ATP6V1A: variants seen among roughly 807,000 people sequenced by gnomAD.
ATP6V1A encodes the protein ATPase H+ transporting V1 subunit A, also known as V-type proton ATPase catalytic subunit A.
A neutral mutation model predicts 70.1 loss-of-function variants in ATP6V1A; 18 were observed. The observed-to-expected ratio is 0.26, with a 90% confidence interval of 0.18 to 0.38. ATP6V1A has a LOEUF of 0.38. ATP6V1A is among the 10% of genes least tolerant of loss of function. ATP6V1A has a pLI of 1.00. For missense variants in ATP6V1A, 424 were observed against 772.4 expected (o/e 0.55, Z 5.35); for synonymous variants, 232 against 253.8 (o/e 0.91, Z 0.82).
At chr3:113,776,733 A>T (rs938609171) in intron 1 of ATP6V1A, among the ~76,000 whole-genome samples, 1 of 152,052 alleles carries the variant, frequency 6.6e-6, no homozygotes, top group Non-Finnish European at 1.5e-5. Context: ...TCCACTTGTT[A>T]TTTTGGCAGT....
At chr3:113,785,738 G>A (rs1433165411) in intron 5 of ATP6V1A, among the ~76,000 whole-genome samples, 2 of 150,064 alleles carry the variant, frequency 1.3e-5, no homozygotes, top group Non-Finnish European at 3.0e-5. Context: ...GCGCGATCTC[G>A]GCTCACTGCA....
chr3:113,778,951 C>G, intron 2 of ATP6V1A, 116 bp downstream of exon 2: 1 of 678,436 alleles, frequency 1.5e-6, no homozygotes. Flanking sequence ...TTCTGTTTGT[C>G]CTTAGGCGAT....
At chr3:113,783,799 A>G (rs572895053) in intron 3 of ATP6V1A, among the ~76,000 whole-genome samples, 1 of 152,230 alleles carries the variant, frequency 6.6e-6, no homozygotes, top group East Asian at 1.9e-4. Context: ...TAAGCTACAA[A>G]AGCAGGTATC....
intron 8 of ATP6V1A, among the ~76,000 whole-genome samples, chr3:113,790,379 T>G (rs996784786): frequency 2.6e-5 from 4 of 151,818 alleles, no homozygotes; most frequent in Admixed American, 2.6e-4. Context: ...TATAGAGCTG[T>G]CTCAATCTTT....
At chr3:113,750,268 A>T (rs796861834) in intron 1 of ATP6V1A, among the ~76,000 whole-genome samples, 14 of 152,208 alleles carry the variant, frequency 9.2e-5, no homozygotes, top group Non-Finnish European at 1.0e-4. Context: ...TCACAACGTC[A>T]GGAGATCGAG....
intron 2 of ATP6V1A, among the ~76,000 whole-genome samples, chr3:113,779,903 G>T (rs1189772232): frequency 1.3e-5 from 2 of 152,132 alleles, no homozygotes; most frequent in African/African-American, 4.8e-5. Context: ...TGTGCAGAAA[G>T]TGTAGGTGTG....
intron 2 of ATP6V1A, among the ~76,000 whole-genome samples, chr3:113,779,541 G>C (rs1559754660): frequency 1.3e-5 from 2 of 152,166 alleles, no homozygotes; most frequent in Admixed American, 6.5e-5. Context: ...TCTTGTTCTA[G>C]TTAGAGTAGT....
At chr3:113,763,202 C>T (rs1268156997) in intron 1 of ATP6V1A, among the ~76,000 whole-genome samples, 3 of 152,178 alleles carry the variant, frequency 2.0e-5, no homozygotes, top group African/African-American at 7.2e-5. Context: ...ACCATTCTGC[C>T]TCAGCCTCCT....
Position 113,805,804 on chromosome 3 carries a change from C to T in ATP6V1A, c.1761+279C>T, listed in dbSNP as rs149968836. On this transcript the variant is annotated intron_variant, in intron 14 of 14. Transcript: ENST00000273398. ...CAGGATGGTCTCGATCTCTTCACCT[C>T]GTGATCTGCCCGCCTTGGCCTCACA... Among the ~76,000 whole-genome samples, 650 of 152,206 alleles carry T rather than the reference C, an allele frequency of 4.3e-3. 5 individuals carry two copies. Among genetic ancestry groups the T allele is most frequent in the African/African-American group, 0.015 (613 of 41,536 alleles).
intron 1 of ATP6V1A, among the ~76,000 whole-genome samples, chr3:113,775,078 A>G (rs1177453644): frequency 6.6e-6 from 1 of 152,158 alleles, no homozygotes; most frequent in Non-Finnish European, 1.5e-5. Flanking sequence ...TGGAAAAAAT[A>G]GGGCCAAAGG....
At position 113,762,516 on chromosome 3, in the gene ATP6V1A, C is replaced by T. The variant is rs138372467; in HGVS notation, c.-14+15403C>T. Among the ~76,000 whole-genome samples, 383 of 151,840 alleles carry T rather than the reference C, an allele frequency of 2.5e-3. 3 individuals carry two copies. The highest frequency in any genetic ancestry group is 9.0e-3 in the African/African-American group (372 of 41,372). ...CCAGGACGTGGAGGTTGCAGTGAGC[C>T]GAGATTGCGCCATTGCAGTCGATCC... On this transcript the variant is annotated intron_variant, in intron 1 of 14. Transcript: ENST00000273398.
intron 3 of ATP6V1A, 151 bp from the exon 4 acceptor site, chr3:113,784,073 T>C: frequency 4.4e-6 from 3 of 684,540 alleles, no homozygotes; most frequent in Non-Finnish European, 7.4e-6. Context: ...TGAAAGAAGT[T>C]ACTGAAAACA....
At chr3:113,772,308 A>T (rs1708850855) in intron 1 of ATP6V1A, among the ~76,000 whole-genome samples, 2 of 152,212 alleles carry the variant, frequency 1.3e-5, no homozygotes, top group Non-Finnish European at 2.9e-5. Flanking sequence ...TGGACTGGGG[A>T]TATTTGAGCA....
chr3:113,789,638 T>G (rs569300202), intron 7 of ATP6V1A, 94 bp from the exon 8 acceptor site: 26 of 876,544 alleles, frequency 3.0e-5, no homozygotes, highest in Admixed American at 7.5e-5. Context: ...AGGCATTAAA[T>G]ATGGGCAAAA....
intron 6 of ATP6V1A, among the ~76,000 whole-genome samples, chr3:113,787,998 G>A (rs1011956265): frequency 6.6e-6 from 1 of 152,188 alleles, no homozygotes; most frequent in African/African-American, 2.4e-5. Context: ...ATAGTTCACT[G>A]TAACCTCAAA....
At chr3:113,781,279 G>GAGGC in intron 3 of ATP6V1A, 101 bp downstream of exon 3, 7 of 1,330,570 alleles carry the variant, frequency 5.3e-6, no homozygotes, top group Non-Finnish European at 7.0e-6. Flanking sequence ...AGCACTTTGG[G>GAGGC]AGGCAGGCAG....
At position 113,811,906 on chromosome 3, in the gene ATP6V1A, C is replaced by G. The variant is rs2108050548; in HGVS notation, c.*2479C>G. ...TTTTTCCAGTGTTGAATCTCACACA[C>G]TGTACTTTGAAAATTTCCTTCCATC... On this transcript the variant is annotated 3_prime_UTR_variant, in exon 15 of 15. Coordinates refer to ENST00000273398, the MANE Select transcript of ATP6V1A (RefSeq NM_001690.4). The G allele has an allele frequency of 6.5e-6, 1 of 152,740 alleles. No homozygotes were observed. Among genetic ancestry groups the G allele is most frequent in the South Asian group, 2.1e-4 (1 of 4,826 alleles). The allele number at this position is 152,740 out of a possible 1,614,324, so 9.5% of individuals were successfully genotyped here.
At chr3:113,797,713 C>T (rs556213296) in intron 11 of ATP6V1A, among the ~76,000 whole-genome samples, 5 of 152,104 alleles carry the variant, frequency 3.3e-5, no homozygotes, top group African/African-American at 7.2e-5. Flanking sequence ...ATTTTAAATT[C>T]GATTTGTAGG....
At chr3:113,805,037 A>C (rs1478186037) in intron 13 of ATP6V1A, among the ~76,000 whole-genome samples, 1 of 152,204 alleles carries the variant, frequency 6.6e-6, no homozygotes, top group Non-Finnish European at 1.5e-5. Context: ...TCAGAGAGTC[A>C]TTAGATTATA....
Sources: allele counts gnomAD v4.1 joint callset (sites outside exome capture counted in the v4.1 genomes callset), GRCh38; gene constraint gnomAD v4.1.1; transcripts MANE v1.5; gene names NCBI Gene and HGNC (gene_info 2026-07-23, HGNC 2026-07-21).